Variants in NELL1 observed in about 807,000 individuals in gnomAD.
The protein encoded by NELL1 is neural EGFL like 1.
NELL1 carries 76 observed loss-of-function variants against 107.4 expected under a neutral mutation model. The ratio of observed to expected loss-of-function variants is 0.71; its 90% CI spans 0.59 to 0.86. The LOEUF is 0.86. Among genes scored for constraint, NELL1 ranks in the 40% least tolerant of loss-of-function variants. NELL1 has a pLI of 0.00. For synonymous variants in NELL1, 353 were observed against 341.2 expected (o/e 1.03, Z -0.38); for missense variants, 1,024 against 1,005.5 (o/e 1.02, Z -0.25).
chr11:21,376,289 A>G (rs1851476439), intron 15 of NELL1, among the ~76,000 whole-genome samples: 1 of 152,162 alleles, frequency 6.6e-6, no homozygotes, highest in African/African-American at 2.4e-5. Context: ...TCTCAGCACC[A>G]TTTATTGAAT....
intron 14 of NELL1, among the ~76,000 whole-genome samples, chr11:21,250,167 G>A (rs1858601376): frequency 6.6e-6 from 1 of 152,120 alleles, no homozygotes; most frequent in South Asian, 2.1e-4. Flanking sequence ...TTTGAGTACT[G>A]GGAAAGTTAA....
intron 12 of NELL1, among the ~76,000 whole-genome samples, chr11:21,019,270 C>G (rs1852642421): frequency 6.6e-6 from 1 of 152,016 alleles, no homozygotes; most frequent in Non-Finnish European, 1.5e-5. Context: ...TTCTTTTTCT[C>G]TAAATGAGTG....
At chr11:21,372,284 A>C (rs1851373867) in intron 15 of NELL1, among the ~76,000 whole-genome samples, 1 of 151,962 alleles carries the variant, frequency 6.6e-6, no homozygotes, top group African/African-American at 2.4e-5. Flanking sequence ...AAAATGAAAA[A>C]AAAAACAAAA....
intron 13 of NELL1, among the ~76,000 whole-genome samples, chr11:21,150,269 A>T (rs1296375842): frequency 6.6e-6 from 1 of 152,176 alleles, no homozygotes; most frequent in Non-Finnish European, 1.5e-5. Flanking sequence ...ATGGTTGCAC[A>T]GTTGTAAAGC....
At chr11:21,133,598 T>A (rs1855674240) in intron 13 of NELL1, among the ~76,000 whole-genome samples, 1 of 151,970 alleles carries the variant, frequency 6.6e-6, no homozygotes, top group South Asian at 2.1e-4. Context: ...ATGGGACTGG[T>A]GTGTCAGTGC....
At chr11:21,212,765 G>T (rs1857527537) in intron 13 of NELL1, among the ~76,000 whole-genome samples, 1 of 152,180 alleles carries the variant, frequency 6.6e-6, no homozygotes, top group African/African-American at 2.4e-5. Flanking sequence ...ATACTTCGTG[G>T]TGAAAGACTG....
chr11:21,330,464 T>C (rs1479557907), intron 14 of NELL1, among the ~76,000 whole-genome samples: 2 of 146,972 alleles, frequency 1.4e-5, no homozygotes, highest in South Asian at 2.2e-4. Flanking sequence ...GCTCTTTTTT[T>C]CTTCATTTTT....
At chr11:21,076,692 G>A (rs10833453) in intron 12 of NELL1, among the ~76,000 whole-genome samples, 64,245 of 151,974 alleles carry the variant, frequency 0.42, 13,729 homozygotes, top group Non-Finnish European at 0.44. Flanking sequence ...CCTAATTGGA[G>A]GTGTTTGGGT....
intron 5 of NELL1, among the ~76,000 whole-genome samples, chr11:20,901,249 TA>T (rs1849866141): frequency 6.6e-6 from 1 of 152,050 alleles, no homozygotes; most frequent in African/African-American, 2.4e-5. Context: ...GTACTAGATG[TA>T]AAGCCAAAGA....
intron 2 of NELL1, among the ~76,000 whole-genome samples, chr11:20,726,119 A>G (rs1373717786): frequency 1.3e-5 from 2 of 152,216 alleles, no homozygotes; most frequent in Non-Finnish European, 1.5e-5. Flanking sequence ...GCACATATAT[A>G]CCACACTTTC....
chr11:20,810,242 G>A (rs1035955728), intron 3 of NELL1, among the ~76,000 whole-genome samples: 1 of 151,840 alleles, frequency 6.6e-6, no homozygotes, highest in African/African-American at 2.4e-5. Context: ...TTTTCCATAA[G>A]TTATTGGGGT....
chr11:21,385,941 C>G (rs530351660), intron 15 of NELL1, among the ~76,000 whole-genome samples: 8 of 151,980 alleles, frequency 5.3e-5, no homozygotes, highest in Non-Finnish European at 1.0e-4. Context: ...AATATCCAGT[C>G]CCCATCTTTT....
At chr11:21,276,659 T>C (rs1848869368) in intron 14 of NELL1, among the ~76,000 whole-genome samples, 1 of 152,294 alleles carries the variant, frequency 6.6e-6, no homozygotes, top group East Asian at 1.9e-4. Flanking sequence ...ACTACAAGGC[T>C]ACAGTAACCA....
intron 12 of NELL1, among the ~76,000 whole-genome samples, chr11:21,016,277 C>A (rs1852562798): frequency 6.6e-6 from 1 of 152,100 alleles, no homozygotes; most frequent in African/African-American, 2.4e-5. Flanking sequence ...GATAAATTAA[C>A]TAGAGAAGCT....
At chr11:20,828,803 G>A (rs550991403) in intron 3 of NELL1, among the ~76,000 whole-genome samples, 13 of 152,262 alleles carry the variant, frequency 8.5e-5, no homozygotes, top group African/African-American at 2.9e-4. Flanking sequence ...AACTGTGACA[G>A]GTAGAAGGTG....
chr11:20,956,425 T>C (rs1398814125), intron 11 of NELL1, among the ~76,000 whole-genome samples: 1 of 151,988 alleles, frequency 6.6e-6, no homozygotes, highest in Non-Finnish European at 1.5e-5. Flanking sequence ...GGCGGGTAGA[T>C]CACGAGGTCA....
chr11:20,947,507 T>G, intron 11 of NELL1, 72 bp downstream of exon 11: 2 of 1,063,256 alleles, frequency 1.9e-6, no homozygotes, highest in Non-Finnish European at 2.9e-6. Flanking sequence ...GAGATTTTAA[T>G]GAATAGTATG....
intron 15 of NELL1, among the ~76,000 whole-genome samples, chr11:21,496,511 G>T (rs1176991249): frequency 4.0e-5 from 6 of 150,626 alleles, no homozygotes; most frequent in Non-Finnish European, 8.8e-5. Flanking sequence ...TTGGGTTCAA[G>T]CGATTCTCCT....
At chr11:21,471,860 C>A (rs942133871) in intron 15 of NELL1, among the ~76,000 whole-genome samples, 3 of 151,982 alleles carry the variant, frequency 2.0e-5, no homozygotes, top group African/African-American at 7.2e-5. Flanking sequence ...TGTGAAAAGC[C>A]AGTATATTTT....
Sources: allele counts gnomAD v4.1 joint callset (sites outside exome capture counted in the v4.1 genomes callset), GRCh38; gene constraint gnomAD v4.1.1; transcripts MANE v1.5; gene names NCBI Gene and HGNC (gene_info 2026-07-23, HGNC 2026-07-21).